Variants in UTRN observed in about 807,000 individuals in gnomAD.
UTRN encodes dystrophin-related protein 1.
Under a neutral mutation model 463.9 loss-of-function variants are expected in UTRN, and 283 were observed. The observed-to-expected ratio is 0.61, with a 90% CI of 0.55 to 0.67. The LOEUF (loss-of-function observed/expected upper bound fraction) is 0.67, where lower values mean the gene tolerates loss of function less well. Ranked by LOEUF, UTRN falls within the 30% of genes least tolerant of loss-of-function variation. The pLI, the probability that UTRN is intolerant of heterozygous loss-of-function variation, is 0.00. For synonymous variants in UTRN, 1,442 were observed against 1,431.5 expected, an observed-to-expected ratio of 1.01 and a Z score of -0.17; for missense variants, 3,922 against 4,084.3, an observed-to-expected ratio of 0.96 and a Z score of 1.08.
intron 33 of UTRN, among the ~76,000 whole-genome samples, chr6:144,495,429 C>A (rs9496985): frequency 0.028 from 4,338 of 152,336 alleles, 199 homozygotes; most frequent in African/African-American, 0.098. Context: ...GCAGGGCCAG[C>A]CTGCTGCTCC....
At position 144,436,002 on chromosome 6, in the gene UTRN, A is replaced by T; in HGVS notation, c.923A>T (p.Asp308Val). 6.2e-7 allele frequency: 1 copy of T among 1,614,254 alleles called. No homozygotes were observed. The highest frequency in any genetic ancestry group is 1.3e-5 in the African/African-American group (1 of 75,074). The change falls in exon 10 of 75, where the codon GAC becomes GTC. Residue 308 changes from aspartate (D) to valine (V), a missense_variant. Transcript: ENST00000367545. ...AETPSTVTEV[D>V]MDLDSYQIAL... The stretch of plus-strand genomic sequence containing the variant: ...ACTCCCAGCACTGTCACTGAGGTTG[A>T]CATGGATCTGGACAGCTATCAGATT...
chr6:144,461,268 GA>G lies in UTRN; in HGVS notation c.2783del (p.Asn928IlefsTer7). On this transcript the variant is annotated frameshift_variant, in exon 22 of 75. Coordinates refer to ENST00000367545, the MANE Select transcript of UTRN (RefSeq NM_007124.3). LOFTEE classifies it high-confidence loss of function. ...ACTGAAAGATGTGCTAAATGATTCA[GA>G]AAATAAGGCCCAGGTGTCTCTGAAT... ...KTLKDVLNDS[E>X]NKAQVSLNVL... 1 of 1,610,480 alleles carries G rather than the reference GA, an allele frequency of 6.2e-7. No homozygotes were observed. The highest frequency in any genetic ancestry group is 8.5e-7 in the Non-Finnish European group (1 of 1,177,756).
intron 2 of UTRN, among the ~76,000 whole-genome samples, chr6:144,397,258 G>C (rs539016422): frequency 1.3e-5 from 2 of 151,748 alleles, no homozygotes; most frequent in South Asian, 4.2e-4. Flanking sequence ...AAAAAAAAAT[G>C]TTCCTCTGAT....
intron 53 of UTRN, among the ~76,000 whole-genome samples, chr6:144,701,852 T>A (rs1363531981): frequency 6.6e-6 from 1 of 152,170 alleles, no homozygotes; most frequent in Admixed American, 6.5e-5. Flanking sequence ...CATTTGGGTG[T>A]ATTTTTTTTC....
rs777292304 is a variant in UTRN at position 144,421,864 on chromosome 6, T to C, written c.142-14T>C. On this transcript the variant is annotated splice_polypyrimidine_tract_variant and intron_variant, in intron 3 of 74. Coordinates refer to ENST00000367545, the MANE Select transcript of UTRN (RefSeq NM_007124.3). ...TGGCATACCCCATATTTTATTTGTGTTTTTCTTTTACAGAGTGGGAAACCA... is the reference window on the plus strand; with the variant it reads ...TGGCATACCCCATATTTTATTTGTGCTTTTCTTTTACAGAGTGGGAAACCA... 6.2e-7 allele frequency: 1 copy of C among 1,605,138 alleles called. No homozygotes were observed. Among genetic ancestry groups the C allele is most frequent in the Non-Finnish European group, 8.5e-7 (1 of 1,175,690 alleles).
intron 51 of UTRN, among the ~76,000 whole-genome samples, chr6:144,636,389 CAG>C (rs71727989): frequency 0.025 from 3,769 of 150,826 alleles, 154 homozygotes; most frequent in African/African-American, 0.086. Flanking sequence ...TGGGGCCTGT[CAG>C]GGGGTGGGGG....
chr6:144,431,942 T>G (rs1199637532), intron 9 of UTRN, among the ~76,000 whole-genome samples: 2 of 152,206 alleles, frequency 1.3e-5, no homozygotes, highest in African/African-American at 4.8e-5. Context: ...ATGTCTTTTG[T>G]GTGTGTTTTC....
intron 51 of UTRN, among the ~76,000 whole-genome samples, chr6:144,664,158 G>C (rs1462240251): frequency 1.3e-5 from 2 of 152,196 alleles, no homozygotes; most frequent in Non-Finnish European, 2.9e-5. Flanking sequence ...TAACAGATGA[G>C]TTTAAGTTGA....
At chr6:144,809,797 T>C (rs1170321408) in intron 65 of UTRN, among the ~76,000 whole-genome samples, 1 of 152,056 alleles carries the variant, frequency 6.6e-6, no homozygotes, top group Non-Finnish European at 1.5e-5. Flanking sequence ...TTGGCTTTAG[T>C]AGATGAAGCT....
chr6:144,753,241 G>T (rs994763228), intron 56 of UTRN, among the ~76,000 whole-genome samples: 6 of 152,290 alleles, frequency 3.9e-5, no homozygotes, highest in Admixed American at 3.9e-4. Flanking sequence ...GCTGTGTGCA[G>T]TTGTTATTGA....
At position 144,850,749 on chromosome 6, in the gene UTRN, T is replaced by A. The variant is rs9373430; in HGVS notation, c.10294-240T>A. 0.54 allele frequency among the ~76,000 whole-genome samples: 81,790 copies of A among 152,078 alleles called. 25,144 individuals are homozygous for A. The highest frequency in any genetic ancestry group is 0.96 in the East Asian group (4,978 of 5,178). On this transcript the variant is annotated intron_variant, in intron 74 of 74. Transcript: ENST00000367545. ...AATGAAGTCCTCTCCATTTTAACTT[T>A]GCTTCCAGCCTGGCCAAGAGAAAAG...
intron 63 of UTRN, among the ~76,000 whole-genome samples, chr6:144,796,890 C>T (rs1315579709): frequency 5.9e-5 from 9 of 152,052 alleles, no homozygotes; most frequent in African/African-American, 2.2e-4. Flanking sequence ...TATAGTCATA[C>T]ATGTAGGTTC....
chr6:144,613,698 G>A (rs559186965), intron 51 of UTRN, among the ~76,000 whole-genome samples: 9 of 151,874 alleles, frequency 5.9e-5, no homozygotes, highest in South Asian at 2.1e-4. Flanking sequence ...TGGTGGTCCC[G>A]CTACTGTATA....
At chr6:144,452,891 A>G (rs1434343311) in intron 18 of UTRN, among the ~76,000 whole-genome samples, 6 of 151,284 alleles carry the variant, frequency 4.0e-5, no homozygotes, top group Non-Finnish European at 8.8e-5. Flanking sequence ...GCAGTGAGCC[A>G]TGATTGTGCC....
intron 23 of UTRN, among the ~76,000 whole-genome samples, chr6:144,472,960 G>A (rs1790818874): frequency 6.6e-6 from 1 of 151,878 alleles, no homozygotes; most frequent in South Asian, 2.1e-4. Context: ...ATAGAGACGG[G>A]GTTTCACCTT....
intron 51 of UTRN, 113 bp from the exon 52 acceptor site, chr6:144,678,293 T>C: frequency 9.7e-7 from 1 of 1,026,896 alleles, no homozygotes; most frequent in South Asian, 2.4e-5. Context: ...GCACTTGAAT[T>C]TCTTATAATT....
chr6:144,353,035 G>A (rs529387834), intron 2 of UTRN, among the ~76,000 whole-genome samples: 12 of 152,052 alleles, frequency 7.9e-5, no homozygotes, highest in South Asian at 6.3e-4. Context: ...CTCGATCTCC[G>A]GGGGTCAAGC....
intron 73 of UTRN, 47 bp downstream of exon 73, chr6:144,840,879 T>G: frequency 6.2e-7 from 1 of 1,601,192 alleles, no homozygotes; most frequent in Non-Finnish European, 8.5e-7. Context: ...GTTCCTTCCC[T>G]TTCTCTTTTT....
intron 25 of UTRN, among the ~76,000 whole-genome samples, chr6:144,478,276 G>T (rs1289896547): frequency 1.3e-5 from 2 of 151,984 alleles, no homozygotes; most frequent in East Asian, 1.9e-4. Context: ...TAATTTTGAG[G>T]GTGTTTTGTT....
Sources: gnomAD v4.1 joint callset for allele counts (sites outside exome capture counted in the v4.1 genomes callset) on GRCh38, gnomAD v4.1.1 for gene constraint, MANE v1.5 for transcripts, NCBI Gene and HGNC (gene_info 2026-07-23, HGNC 2026-07-21) for gene names.